SNTB1: variants seen among roughly 807,000 people sequenced by gnomAD.
The protein encoded by SNTB1 is beta-1-syntrophin.
SNTB1 carries 36 observed loss-of-function variants against 48.9 expected under a neutral mutation model. That is an observed-to-expected ratio of 0.74 (90% CI 0.56 to 0.97). The LOEUF is 0.97. Ranked by LOEUF, SNTB1 falls within the 50% of genes least tolerant of loss-of-function variation. The pLI, the probability that SNTB1 is intolerant of heterozygous loss-of-function variation, is 0.00. For synonymous variants in SNTB1, 299 were observed against 294.6 expected (o/e 1.01, Z -0.15); for missense variants, 786 against 703.4 (o/e 1.12, Z -1.33).
At chr8:120,787,767 TGAG>T (rs1318959057) in intron 1 of SNTB1, among the ~76,000 whole-genome samples, 1 of 152,142 alleles carries the variant, frequency 6.6e-6, no homozygotes, top group Non-Finnish European at 1.5e-5. Context: ...TAGGTGTTCC[TGAG>T]GAGAAGAAAA....
At chr8:120,690,655 A>G (rs560166796) in intron 2 of SNTB1, among the ~76,000 whole-genome samples, 1 of 152,304 alleles carries the variant, frequency 6.6e-6, no homozygotes, top group African/African-American at 2.4e-5. Context: ...TTACCTTGTA[A>G]GCTTTTGCCC....
intron 2 of SNTB1, among the ~76,000 whole-genome samples, chr8:120,667,748 T>G (rs1817697480): frequency 6.6e-6 from 1 of 152,110 alleles, no homozygotes; most frequent in African/African-American, 2.4e-5. Flanking sequence ...TCATCAGTGT[T>G]TTTTTTTCTG....
chr8:120,736,527 C>T (rs1337202149), intron 1 of SNTB1, among the ~76,000 whole-genome samples: 3 of 152,186 alleles, frequency 2.0e-5, no homozygotes, highest in Non-Finnish European at 4.4e-5. Flanking sequence ...TTGCTGGAGA[C>T]CAAAGCTTCA....
chr8:120,657,608 C>T (rs1342253877), intron 2 of SNTB1, among the ~76,000 whole-genome samples: 1 of 152,192 alleles, frequency 6.6e-6, no homozygotes, highest in African/African-American at 2.4e-5. Context: ...CTCATTGCCC[C>T]ACTCTTGGAT....
At chr8:120,614,275 C>T (rs2130734443) in intron 3 of SNTB1, among the ~76,000 whole-genome samples, 1 of 152,304 alleles carries the variant, frequency 6.6e-6, no homozygotes, top group South Asian at 2.1e-4. Context: ...AACAGCTATC[C>T]TTAGTAGCCT....
intron 1 of SNTB1, among the ~76,000 whole-genome samples, chr8:120,762,854 G>C (rs1278010265): frequency 1.3e-5 from 2 of 152,110 alleles, no homozygotes; most frequent in African/African-American, 4.8e-5. Context: ...CATCCAAATA[G>C]AGTAACAACA....
At chr8:120,762,813 G>A (rs1413980975) in intron 1 of SNTB1, among the ~76,000 whole-genome samples, 8 of 151,586 alleles carry the variant, frequency 5.3e-5, no homozygotes, top group Non-Finnish European at 7.4e-5. Context: ...AATGCTTGCC[G>A]AAAGAAAAAA....
At position 120,806,518 on chromosome 8, in the gene SNTB1, C is replaced by T. The variant is rs576328996; in HGVS notation, c.571+4755G>A. Among the ~76,000 whole-genome samples, 25 of 152,152 alleles carry T rather than the reference C, an allele frequency of 1.6e-4. No homozygotes were observed. In the East Asian group the frequency reaches 3.3e-3, roughly 20 times the overall value. The stretch of plus-strand genomic sequence containing the variant: ...TTTCTCCTTTATATTACTACTAGGG[C>T]GTTCTATTGATGTTTAAACTTAAAG... On this transcript the variant is annotated intron_variant, in intron 1 of 6. Coordinates refer to ENST00000517992, the MANE Select transcript of SNTB1 (RefSeq NM_021021.4).
chr8:120,651,205 C>G (rs1290806765), intron 2 of SNTB1, among the ~76,000 whole-genome samples: 1 of 152,088 alleles, frequency 6.6e-6, no homozygotes, highest in Non-Finnish European at 1.5e-5. Flanking sequence ...CAACTCCCTT[C>G]CAGAGTACTG....
At chr8:120,783,863 A>G (rs1453140426) in intron 1 of SNTB1, among the ~76,000 whole-genome samples, 3 of 152,258 alleles carry the variant, frequency 2.0e-5, no homozygotes, top group Admixed American at 2.0e-4. Flanking sequence ...ACGCAAGTAA[A>G]TAATAATACA....
chr8:120,578,013 A>G (rs1815978173), intron 3 of SNTB1, among the ~76,000 whole-genome samples: 1 of 152,062 alleles, frequency 6.6e-6, no homozygotes, highest in Non-Finnish European at 1.5e-5. Context: ...GGGGGGAAAA[A>G]TCATGTGGAA....
intron 1 of SNTB1, among the ~76,000 whole-genome samples, chr8:120,799,983 C>A (rs961512077): frequency 1.3e-5 from 2 of 152,054 alleles, no homozygotes; most frequent in African/African-American, 4.8e-5. Flanking sequence ...ATCACAGCTA[C>A]TGCAGAAAAC....
chr8:120,719,102 T>G (rs144092074), intron 1 of SNTB1, among the ~76,000 whole-genome samples: 1,783 of 152,274 alleles, frequency 0.012, 33 homozygotes, highest in African/African-American at 0.04. Flanking sequence ...AGTGTCAATT[T>G]GATGGGATTG....
chr8:120,776,468 T>G (rs1263834502), intron 1 of SNTB1: 1 of 152,172 alleles, frequency 6.6e-6, no homozygotes, highest in East Asian at 1.9e-4. Flanking sequence ...TTCTACAGAC[T>G]CCAAGAGGTT....
intron 2 of SNTB1, among the ~76,000 whole-genome samples, chr8:120,645,602 C>G (rs960786324): frequency 7.1e-6 from 1 of 141,088 alleles, no homozygotes; most frequent in Non-Finnish European, 1.5e-5. Flanking sequence ...TAGTGTGATG[C>G]CTCCAGCTTT....
At chr8:120,706,342 C>T (rs958521877) in intron 1 of SNTB1, among the ~76,000 whole-genome samples, 7 of 152,032 alleles carry the variant, frequency 4.6e-5, no homozygotes, top group African/African-American at 7.2e-5. Context: ...GATAATCAAC[C>T]GGATATACGA....
intron 2 of SNTB1, among the ~76,000 whole-genome samples, chr8:120,647,004 T>C (rs952474645): frequency 1.3e-5 from 2 of 151,828 alleles, no homozygotes; most frequent in African/African-American, 4.8e-5. Context: ...GTGGGATCGA[T>C]GGTGATATCC....
At chr8:120,739,612 A>G (rs926407616) in intron 1 of SNTB1, among the ~76,000 whole-genome samples, 1 of 152,188 alleles carries the variant, frequency 6.6e-6, no homozygotes, top group Admixed American at 6.5e-5. Flanking sequence ...GCATAGTAGA[A>G]GAAGAAAAAT....
intron 3 of SNTB1, among the ~76,000 whole-genome samples, chr8:120,578,212 T>G (rs2130690442): frequency 6.6e-6 from 1 of 151,654 alleles, no homozygotes; most frequent in South Asian, 2.1e-4. Context: ...TTTTTTTTTT[T>G]TGTATTTTTA....
Sources: gnomAD v4.1 joint callset for allele counts (sites outside exome capture counted in the v4.1 genomes callset) on GRCh38, gnomAD v4.1.1 for gene constraint, MANE v1.5 for transcripts, NCBI Gene and HGNC (gene_info 2026-07-23, HGNC 2026-07-21) for gene names.